RC3H2: variants seen among roughly 807,000 people sequenced by gnomAD.
RC3H2 encodes the protein roquin-2.
A neutral mutation model predicts 133.3 loss-of-function variants in RC3H2; 31 were observed. The observed-to-expected ratio is 0.23, with a 90% CI of 0.17 to 0.31. The LOEUF is 0.31. RC3H2 is among the 10% of genes least tolerant of loss of function. RC3H2 has a pLI of 1.00. For missense variants in RC3H2, 1,175 were observed against 1,437.2 expected (o/e 0.82, Z 2.95); for synonymous variants, 517 against 502.2 (o/e 1.03, Z -0.40).
intron 5 of RC3H2, among the ~76,000 whole-genome samples, chr9:122,881,225 GC>G (rs1380414404): frequency 6.6e-6 from 1 of 152,176 alleles, no homozygotes; most frequent in Non-Finnish European, 1.5e-5. Flanking sequence ...GGTGGCTCAT[GC>G]CTGTAATCCC....
At chr9:122,862,891 CAAAAAA>C (rs1168612532) in intron 10 of RC3H2, among the ~76,000 whole-genome samples, 1 of 48,172 alleles carries the variant, frequency 2.1e-5, no homozygotes, top group Non-Finnish European at 4.4e-5. Flanking sequence ...GACTCCATCT[CAAAAAA>C]AAAAAAAAAA....
chr9:122,892,805 C>T, intron 3 of RC3H2, 104 bp downstream of exon 3: 1 of 832,474 alleles, frequency 1.2e-6, no homozygotes, highest in Non-Finnish European at 1.9e-6. Flanking sequence ...ATTTCTCAAG[C>T]AAACTCCTTT....
In RC3H2 at chr9:122,856,866, G is replaced by A. The variant is rs568896805; in HGVS notation, c.2455-988C>T. Among the ~76,000 whole-genome samples the A allele has an allele frequency of 1.1e-4, 16 of 152,264 alleles. No homozygotes were observed. In the South Asian group the frequency reaches 3.1e-3, roughly 30 times the overall value. On this transcript the variant is annotated intron_variant, in intron 13 of 20. Transcript: ENST00000357244. ...AATACTCATTTCCTGAAGCATAATT[G>A]TATATCAAAAAAGAAAATACAAGTG...
chr9:122,864,478 A>C (rs988296865), intron 10 of RC3H2, among the ~76,000 whole-genome samples: 1 of 152,186 alleles, frequency 6.6e-6, no homozygotes, highest in Non-Finnish European at 1.5e-5. Flanking sequence ...CGCAACCAAC[A>C]TATGAAGTTG....
At chr9:122,863,436 G>T (rs867158778) in intron 10 of RC3H2, among the ~76,000 whole-genome samples, 6 of 152,000 alleles carry the variant, frequency 3.9e-5, no homozygotes, top group Admixed American at 3.3e-4. Context: ...TAAAAGACTG[G>T]TCTCCTCAAT....
intron 18 of RC3H2, chr9:122,853,707 G>T (rs561705065): frequency 1.0e-6 from 1 of 998,872 alleles, no homozygotes; most frequent in Non-Finnish European, 1.4e-6. Context: ...AGCCAAGATC[G>T]TGCCATTGCA....
intron 10 of RC3H2, 54 bp from the exon 11 acceptor site, chr9:122,860,185 C>T: frequency 3.1e-6 from 4 of 1,297,914 alleles, no homozygotes; most frequent in South Asian, 1.3e-5. Context: ...TATGACTGTC[C>T]TCCTTACTAG....
chr9:122,856,031 G>A (rs572258945), intron 13 of RC3H2, among the ~76,000 whole-genome samples, 153 bp from the exon 14 acceptor site: 1 of 152,208 alleles, frequency 6.6e-6, no homozygotes, highest in African/African-American at 2.4e-5. Flanking sequence ...TAATAAGCAA[G>A]AAATGGTATT....
rs1829926289 is a variant in RC3H2, at chr9:122,848,993, A to T, written c.*634T>A. The T allele has an allele frequency of 6.6e-6, 1 of 152,196 alleles. No individual in the cohort carries two copies. The allele number at this position is 152,196 out of a possible 1,614,324, so 9.4% of individuals were successfully genotyped here. A position where few individuals can be genotyped will look rare whatever the true frequency, so the allele number is the denominator to read the frequency against. ...TTGAAAAATGGAAAATTAAAAAAAA[A>T]TTATATGCTACAGATAAAAGCACTG... is the stretch of plus-strand genomic sequence containing the variant. On this transcript the variant is annotated 3_prime_UTR_variant, in exon 21 of 21. Coordinates refer to ENST00000357244, the MANE Select transcript of RC3H2 (RefSeq NM_001100588.3).
chr9:122,883,469 T>C (rs1831739461), intron 4 of RC3H2, 90 bp from the exon 5 acceptor site: 1 of 899,706 alleles, frequency 1.1e-6, no homozygotes, highest in Non-Finnish European at 1.6e-6. Context: ...TTAGAGTTTA[T>C]AGTGGCCCAT....
Position 122,851,397 on chromosome 9 carries a change from G to A in RC3H2, c.3157C>T (p.Pro1053Ser). The A allele has an allele frequency of 1.2e-6, 2 of 1,614,064 alleles. No individual in the cohort carries two copies. The highest frequency in any genetic ancestry group is 1.7e-6 in the Non-Finnish European group (2 of 1,180,000). ...DYTEDATDTK[P>S]DRDIELELSA... ...AGCTCTAACTCGATATCCCTATCAGGTTTAGTATCTGTTGCATCTTCTGTA... is the reference window on the plus strand; with the variant it reads ...AGCTCTAACTCGATATCCCTATCAGATTTAGTATCTGTTGCATCTTCTGTA... The change falls in exon 19 of 21, where the codon CCT becomes TCT. Residue 1053 changes from proline (P) to serine (S), a missense_variant. Pro to Ser is a moderately conservative substitution (Grantham distance 74, BLOSUM62 -1). Around this residue, in one of 8 missense-constraint regions of RC3H2, gnomAD observed 220 missense variants for 201.1 expected, o/e 1.09. Transcript: ENST00000357244.
chr9:122,887,341 C>G (rs561371747), intron 4 of RC3H2, among the ~76,000 whole-genome samples: 44 of 152,242 alleles, frequency 2.9e-4, no homozygotes, highest in African/African-American at 7.9e-4. Context: ...CCACTTACAT[C>G]TAGTAGGAGC....
rs1588097221 is a variant in RC3H2, at chr9:122,883,219, T to C, written c.744A>G (p.Arg248=). ...SIGHVVQLLY[R]ASCFKVTKRD... ...TACTGCTTACCTTAAAACAAGAAGC[T>C]CGATACAGTAGTTGCACAACATGAC... Residue 248 remains arginine (R), a synonymous_variant, in exon 5 of 21, where the codon CGA becomes CGG. Coordinates refer to ENST00000357244, the MANE Select transcript of RC3H2 (RefSeq NM_001100588.3). The C allele has an allele frequency of 6.2e-7, 1 of 1,612,534 alleles. No homozygotes were observed. Among genetic ancestry groups the C allele is most frequent in the Non-Finnish European group, 8.5e-7 (1 of 1,179,662 alleles).
intron 18 of RC3H2, among the ~76,000 whole-genome samples, chr9:122,851,883 A>C (rs1271826094): frequency 6.6e-6 from 1 of 152,176 alleles, no homozygotes; most frequent in African/African-American, 2.4e-5. Flanking sequence ...TTGGCCTCCC[A>C]AAAAGCCGAG....
chr9:122,901,094 C>A (rs1347013552), intron 1 of RC3H2, among the ~76,000 whole-genome samples: 2 of 152,200 alleles, frequency 1.3e-5, no homozygotes, highest in African/African-American at 2.4e-5. Flanking sequence ...TTCAGGTCTA[C>A]GGCATCTGAT....
chr9:122,865,590 C>T lies in RC3H2; in HGVS notation c.1393G>A (p.Val465Ile), dbSNP rs763676573. 1 of 1,614,122 alleles carries T rather than the reference C, an allele frequency of 6.2e-7. No homozygotes were observed. The highest frequency in any genetic ancestry group is 8.5e-7 in the Non-Finnish European group (1 of 1,180,020). ...RTFPLLNKVGVNNTVTTTAGN... is the reference protein window; with the variant it reads ...RTFPLLNKVGINNTVTTTAGN... ...GCTGTGGTTGTGACAGTGTTGTTTA[C>T]ACCAACTTTATTTAGAAGAGGAAAC... is the stretch of plus-strand genomic sequence containing the variant. Residue 465 changes from valine (V) to isoleucine (I), a missense_variant, in exon 10 of 21, where the codon GTA becomes ATA. Physicochemically the swap from Val to Ile is conservative, Grantham distance 29. Transcript: ENST00000357244.
chr9:122,849,702 C>G lies in RC3H2; in HGVS notation c.3501G>C (p.Leu1167=). 6.2e-7 allele frequency: 1 copy of G among 1,610,406 alleles called. No homozygotes were observed. The highest frequency in any genetic ancestry group is 8.5e-7 in the Non-Finnish European group (1 of 1,178,382). ...TTSVSAGNLI[L]KTHVMSEDKN... Reference sequence around the variant, plus strand: ...TATCTTCAGACATAACATGAGTTTTCAGAATGAGGTTGCCAGCACTGACAG... The same window carrying G: ...TATCTTCAGACATAACATGAGTTTTGAGAATGAGGTTGCCAGCACTGACAG... Residue 1167 remains leucine, a synonymous_variant, in exon 21 of 21, where the codon CTG becomes CTC. Transcript: ENST00000357244.
At chr9:122,876,320 A>G (rs1370513760) in intron 9 of RC3H2, among the ~76,000 whole-genome samples, 1 of 152,154 alleles carries the variant, frequency 6.6e-6, no homozygotes, top group Non-Finnish European at 1.5e-5. Context: ...AACAAAATGA[A>G]TATGCCCACA....
At chr9:122,872,554 A>G (rs367772642) in intron 9 of RC3H2, among the ~76,000 whole-genome samples, 1 of 152,148 alleles carries the variant, frequency 6.6e-6, no homozygotes. Flanking sequence ...CTCTTTTTCC[A>G]TTAGAAACAT....
Sources: gnomAD v4.1 joint callset for allele counts (sites outside exome capture counted in the v4.1 genomes callset) on GRCh38, gnomAD v4.1.1 for gene constraint, gnomAD v4.1.1 regional missense constraint, MANE v1.5 for transcripts, NCBI Gene and HGNC (gene_info 2026-07-23, HGNC 2026-07-21) for gene names.